Variants in PRPF8 observed in about 807,000 individuals in gnomAD.
PRPF8 encodes pre-mRNA-processing-splicing factor 8.
A neutral mutation model predicts 285.9 loss-of-function variants in PRPF8; 64 were observed. The observed-to-expected ratio is 0.22, with a 90% CI of 0.18 to 0.28. The LOEUF (loss-of-function observed/expected upper bound fraction) is 0.28, where lower values mean the gene tolerates loss of function less well. Ranked by LOEUF, PRPF8 falls within the 10% of genes least tolerant of loss-of-function variation. The pLI, the probability that PRPF8 is intolerant of heterozygous loss-of-function variation, is 1.00. For synonymous variants in PRPF8, 1,325 were observed against 1,118.2 expected (o/e 1.18, Z -3.69); for missense variants, 1,426 against 3,026.7 (o/e 0.47, Z 12.41).
intron 36 of PRPF8, among the ~76,000 whole-genome samples, chr17:1,655,993 T>C (rs1911360768): frequency 1.4e-5 from 2 of 145,902 alleles, no homozygotes; most frequent in Admixed American, 7.1e-5. Context: ...CCATCTCGGC[T>C]CACTGCAACC....
chr17:1,669,319 C>A lies in PRPF8; in HGVS notation c.3774+3762G>T, dbSNP rs537922096. Among the ~76,000 whole-genome samples the A allele has an allele frequency of 1.8e-4, 28 of 152,232 alleles. No individual in the cohort carries two copies. The South Asian group carries it at 1.9e-3, about 10-fold the overall frequency. On this transcript the variant is annotated intron_variant, in intron 24 of 42. Coordinates refer to ENST00000304992, the MANE Select transcript of PRPF8 (RefSeq NM_006445.4). ...ACGGGGTTTCACCATGTTGGCCAGG[C>A]TGGTCTCGAACTCCTGACTTGGTGA... is the stretch of plus-strand genomic sequence containing the variant.
At position 1,661,130 on chromosome 17, in the gene PRPF8, G is replaced by A. The variant is rs561450304; in HGVS notation, c.4371C>T (p.His1457=). ...VLKQNPFWWT[H]QRHDGKLWNL... ...TCCAGAGCTTCCCATCATGCCGCTG[G>A]TGTGTCCACCAGAACGGATTCTGCT... The change falls in exon 28 of 43, where the codon CAC becomes CAT. Residue 1457 remains histidine, a synonymous_variant. Coordinates refer to ENST00000304992, the MANE Select transcript of PRPF8 (RefSeq NM_006445.4). The surrounding 1 kb of genome is among the most constrained non-coding windows in gnomAD (Gnocchi z 7.3). The A allele has an allele frequency of 2.8e-5, 45 of 1,614,164 alleles. No homozygotes were observed. The highest frequency in any genetic ancestry group is 3.6e-5 in the Non-Finnish European group (43 of 1,180,024).
intron 24 of PRPF8, among the ~76,000 whole-genome samples, chr17:1,664,706 T>C (rs569176264): frequency 4.9e-4 from 75 of 152,210 alleles, no homozygotes; most frequent in Non-Finnish European, 8.4e-4. Flanking sequence ...ATACAACATG[T>C]TTCCTAATCA....
Position 1,676,289 on chromosome 17 carries a change from G to A in PRPF8, c.2470C>T (p.Pro824Ser). ...TAGGAGAGTGGGGGGAATGGGATGG[G>A]TGAAAACCTGCGGCTTTCCAACCAA... ...VHWLESRRFS[P>S]IPFPPLSYKH... The change falls in exon 17 of 43, where the codon CCC (proline) becomes TCC (serine). Residue 824 changes from proline (P) to serine (S), a missense_variant. Pro to Ser is a moderately conservative substitution (Grantham distance 74, BLOSUM62 -1). Around this residue, in one of 34 missense-constraint regions of PRPF8, gnomAD observed 70 missense variants for 273.7 expected, o/e 0.26. Transcript: ENST00000304992. The surrounding 1 kb of genome is among the most constrained non-coding windows in gnomAD (Gnocchi z 6.3). 1 of 1,614,082 alleles carries A rather than the reference G, an allele frequency of 6.2e-7. No homozygotes were observed. The highest frequency in any genetic ancestry group is 8.5e-7 in the Non-Finnish European group (1 of 1,180,020).
chr17:1,681,689 A>T lies in PRPF8; in HGVS notation c.655T>A (p.Tyr219Asn). 6.2e-7 allele frequency: 1 copy of T among 1,614,058 alleles called. No individual in the cohort carries two copies. Among genetic ancestry groups the T allele is most frequent in the Non-Finnish European group, 8.5e-7 (1 of 1,179,952 alleles). ...DHQPLRDSRK[Y>N]VNGSTYQRWQ... Reference sequence around the variant, plus strand: ...CGCTGGTAAGTGGAGCCATTTACATACCTAGGTAAAAAATGAAAGGCCCAC... The same window carrying T: ...CGCTGGTAAGTGGAGCCATTTACATTCCTAGGTAAAAAATGAAAGGCCCAC... Residue 219 changes from tyrosine to asparagine, a missense_variant and splice_region_variant, in exon 6 of 43, where the codon TAT becomes AAT. Physicochemically the swap from Tyr to Asn is moderately radical, Grantham distance 143. Around this residue, in one of 34 missense-constraint regions of PRPF8, gnomAD observed 157 missense variants for 159.6 expected, o/e 0.98. Transcript: ENST00000304992.
intron 34 of PRPF8, among the ~76,000 whole-genome samples, chr17:1,657,719 T>C (rs1471115177): frequency 1.5e-5 from 2 of 134,902 alleles, no homozygotes; most frequent in Admixed American, 6.9e-5. Flanking sequence ...TCCGAGCACT[T>C]TGGGAGGCAG....
Position 1,676,074 on chromosome 17 carries a change from G to A in PRPF8, c.2553-20C>T. The A allele has an allele frequency of 1.2e-6, 2 of 1,612,724 alleles. No homozygotes were observed. Among genetic ancestry groups the A allele is most frequent in the Non-Finnish European group, 1.7e-6 (2 of 1,180,012 alleles). On this transcript the variant is annotated intron_variant, in intron 17 of 42. Coordinates refer to ENST00000304992, the MANE Select transcript of PRPF8 (RefSeq NM_006445.4). The surrounding 1 kb of genome is among the most constrained non-coding windows in gnomAD (Gnocchi z 6.3). The stretch of plus-strand genomic sequence containing the variant: ...TTCACACTGACAAAAGCAATGGGAA[G>A]GGTGAATGGGAAAACTAGGAGGAAG...
chr17:1,669,935 C>T (rs1312496079), intron 24 of PRPF8, among the ~76,000 whole-genome samples: 1 of 152,190 alleles, frequency 6.6e-6, no homozygotes, highest in African/African-American at 2.4e-5. Context: ...GGATAGGCTC[C>T]GAAATCTACA....
intron 14 of PRPF8, 118 bp downstream of exon 14, chr17:1,677,439 CAGAACTGG>C (rs917305509): frequency 2.8e-6 from 4 of 1,419,052 alleles, no homozygotes; most frequent in Middle Eastern, 2.1e-4. Context: ...AGACTCATTT[CAGAACTGG>C]ACCTAAAGGC....
intron 24 of PRPF8, among the ~76,000 whole-genome samples, chr17:1,669,957 G>C (rs900126552): frequency 3.3e-5 from 5 of 152,162 alleles, no homozygotes; most frequent in African/African-American, 1.2e-4. Flanking sequence ...CTTTAATCCA[G>C]ACCTGTTCTC....
rs1351356865 is a variant in PRPF8 at position 1,661,212 on chromosome 17, A to G, written c.4339-50T>C. On this transcript the variant is annotated intron_variant, in intron 27 of 42. Transcript: ENST00000304992. The surrounding 1 kb of genome is among the most constrained non-coding windows in gnomAD (Gnocchi z 7.3). The stretch of plus-strand genomic sequence containing the variant: ...AAGCTTCTGGGTGCCTATTGCCCCA[A>G]GTTTCGGGGATAGCCATGGATTTTC... The G allele has an allele frequency of 2.5e-6, 4 of 1,614,102 alleles. No individual in the cohort carries two copies. Among genetic ancestry groups the G allele is most frequent in the Non-Finnish European group, 1.7e-6 (2 of 1,180,018 alleles).
rs772119731 is a variant in PRPF8 at position 1,651,194 on chromosome 17, T to C, written c.6767A>G (p.Tyr2256Cys). 1 of 1,614,070 alleles carries C rather than the reference T, an allele frequency of 6.2e-7. No individual in the cohort carries two copies. The highest frequency in any genetic ancestry group is 8.5e-7 in the Non-Finnish European group (1 of 1,179,996). ...NNPKGYLPSH[Y>C]ERVQMLLSDR... ...CGACAGCAGCATCTGCACCCTCTCA[T>C]AGTGTGAAGGCAGGTAGCCCTTGGG... is the stretch of plus-strand genomic sequence containing the variant. The change falls in exon 42 of 43, where the codon TAT (tyrosine) becomes TGT (cysteine). Residue 2256 changes from tyrosine to cysteine, a missense_variant. This residue lies in a region of PRPF8 where 160 missense variants were observed against 373.7 expected (regional missense o/e 0.43). Coordinates refer to ENST00000304992, the MANE Select transcript of PRPF8 (RefSeq NM_006445.4). This position sits in a 1 kb window ranked among gnomAD's most constrained non-coding sequence, Gnocchi z 5.1.
intron 24 of PRPF8, among the ~76,000 whole-genome samples, chr17:1,667,311 T>C (rs1455253510): frequency 3.9e-5 from 6 of 152,328 alleles, no homozygotes; most frequent in South Asian, 4.1e-4. Flanking sequence ...AGTATTTCTG[T>C]TGTAGTTAAC....
rs945307070 is a variant in PRPF8, at chr17:1,659,885, G to A, written c.4902C>T (p.Ser1634=). 6.2e-7 allele frequency: 1 copy of A among 1,614,210 alleles called. No homozygotes were observed. The highest frequency in any genetic ancestry group is 1.7e-5 in the Admixed American group (1 of 60,032). ...AGGGCCGGGAGACATTCCACTTATA[G>A]GAGGCAAAGAGCAGGATATCTGCAC... ...SSCADILLFA[S]YKWNVSRPSL... Residue 1634 remains serine, a synonymous_variant, in exon 31 of 43, where the codon TCC becomes TCT. Transcript: ENST00000304992. This position sits in a 1 kb window ranked among gnomAD's most constrained non-coding sequence, Gnocchi z 5.1.
chr17:1,664,688 A>G (rs1354645254), intron 24 of PRPF8, among the ~76,000 whole-genome samples: 3 of 152,170 alleles, frequency 2.0e-5, no homozygotes, highest in African/African-American at 7.2e-5. Flanking sequence ...TTTTAAAACT[A>G]AGATCATATA....
intron 14 of PRPF8, 56 bp downstream of exon 14, chr17:1,677,509 G>C (rs1912667361): frequency 6.2e-7 from 1 of 1,612,834 alleles, no homozygotes; most frequent in African/African-American, 1.3e-5. Flanking sequence ...CTCAAACAGG[G>C]GCAGGTACTT....
chr17:1,679,044 G>A lies in PRPF8; in HGVS notation c.1572C>T (p.Leu524=), dbSNP rs144141720. Residue 524 remains leucine (L), a synonymous_variant, in exon 11 of 43, where the codon CTC becomes CTT. Coordinates refer to ENST00000304992, the MANE Select transcript of PRPF8 (RefSeq NM_006445.4). This position sits in a 1 kb window ranked among gnomAD's most constrained non-coding sequence, Gnocchi z 4.7. ...TGGTGGTGAGCGTTTTCACAGGCTT[G>A]AGGTTGAAGTTGTAGTCCAGGTGCA... The part of the protein sequence containing the change: ...NYLHLDYNFN[L]KPVKTLTTKE... The A allele has an allele frequency of 3.5e-5, 57 of 1,614,048 alleles. No homozygotes were observed. The highest frequency in any genetic ancestry group is 4.5e-5 in the Non-Finnish European group (53 of 1,180,042).
rs1262240062 is a variant in PRPF8, at chr17:1,673,295, C to T, written c.3657+62G>A. On this transcript the variant is annotated intron_variant, in intron 23 of 42. Transcript: ENST00000304992. This position sits in a 1 kb window ranked among gnomAD's most constrained non-coding sequence, Gnocchi z 5.5. ...CAAGTCTTTCCACCCAACAAGACTC[C>T]GGTGACTGACCCAGGAAGTGCAGGC... 4.3e-5 allele frequency: 69 copies of T among 1,606,316 alleles called. No individual in the cohort carries two copies. The highest frequency in any genetic ancestry group is 8.0e-5 in the African/African-American group (6 of 74,740).
intron 1 of PRPF8, 53 bp downstream of exon 1, chr17:1,684,717 TCGGTCACTCG>T (rs1913148454): frequency 2.5e-6 from 2 of 812,122 alleles, no homozygotes; most frequent in Admixed American, 2.2e-5. Context: ...CCTAACCCCT[TCGGTCACTCG>T]GCCCGACCCG....
Sources: allele counts gnomAD v4.1 joint callset (sites outside exome capture counted in the v4.1 genomes callset), GRCh38; gene constraint gnomAD v4.1.1; regional missense constraint gnomAD v4.1.1; non-coding constraint Gnocchi (gnomAD v3.1); transcripts MANE v1.5; gene names NCBI Gene and HGNC (gene_info 2026-07-23, HGNC 2026-07-21).